The following FSTL4 variants were observed in gnomAD, a reference collection of about 807,000 sequenced individuals.
FSTL4 encodes follistatin-related protein 4.
In FSTL4, 28 loss-of-function variants were observed where a neutral mutation model predicts 78.2. That is an observed-to-expected ratio of 0.36 (90% CI 0.27 to 0.49). The LOEUF (loss-of-function observed/expected upper bound fraction) is 0.49. FSTL4 is among the 20% of genes least tolerant of loss of function. FSTL4 has a pLI of 0.98. For missense variants in FSTL4, 922 were observed against 1,084.9 expected, an observed-to-expected ratio of 0.85 and a Z score of 2.11; for synonymous variants, 422 against 440.5, an observed-to-expected ratio of 0.96 and a Z score of 0.53.
chr5:133,359,625 G>T (rs1214456897), intron 4 of FSTL4, among the ~76,000 whole-genome samples: 2 of 152,188 alleles, frequency 1.3e-5, no homozygotes, highest in East Asian at 3.8e-4. Context: ...ACATGGGTGT[G>T]ATGCCTTTGT....
At chr5:133,226,738 G>A (rs747057054) in intron 8 of FSTL4, among the ~76,000 whole-genome samples, 1 of 152,218 alleles carries the variant, frequency 6.6e-6, no homozygotes, top group Non-Finnish European at 1.5e-5. Context: ...GAAGTGGACA[G>A]CTACATTTTC....
chr5:133,770,919 A>G, the FSTL4 span, among the ~76,000 whole-genome samples: 1 of 151,522 alleles, frequency 6.6e-6, no homozygotes, highest in African/African-American at 2.4e-5. Flanking sequence ...AGAGGTATGC[A>G]TCTAGTTTCC....
intron 3 of FSTL4, among the ~76,000 whole-genome samples, chr5:133,566,165 G>C (rs1363113392): frequency 6.6e-6 from 1 of 152,176 alleles, no homozygotes; most frequent in East Asian, 1.9e-4. Context: ...TATGACCCTA[G>C]GGATCCAGCA....
chr5:133,444,083 G>A (rs575706501), intron 3 of FSTL4, among the ~76,000 whole-genome samples: 3 of 152,292 alleles, frequency 2.0e-5, no homozygotes, highest in South Asian at 2.1e-4. Flanking sequence ...TAGGAGCCAC[G>A]TCTGGATTGG....
At chr5:133,667,436 G>T in the FSTL4 span, among the ~76,000 whole-genome samples, 1 of 152,198 alleles carries the variant, frequency 6.6e-6, no homozygotes, top group Non-Finnish European at 1.5e-5. Flanking sequence ...TCATTTCAAT[G>T]CTGTAAATCC....
chr5:133,538,688 C>A (rs554888714), intron 3 of FSTL4, among the ~76,000 whole-genome samples: 1 of 152,100 alleles, frequency 6.6e-6, no homozygotes, highest in East Asian at 1.9e-4. Context: ...CTATTTTATT[C>A]AGTGTGTTAT....
intron 12 of FSTL4, among the ~76,000 whole-genome samples, chr5:133,219,468 CT>C (rs1407109776): frequency 3.5e-4 from 53 of 152,352 alleles, no homozygotes; most frequent in Non-Finnish European, 5.7e-4. Context: ...ACTCTGAAGG[CT>C]ATGCCTTTAT....
chr5:133,223,841 C>T (rs1479501134), intron 11 of FSTL4, among the ~76,000 whole-genome samples: 1 of 151,968 alleles, frequency 6.6e-6, no homozygotes, highest in African/African-American at 2.4e-5. Flanking sequence ...CTTGTTTTGT[C>T]TTTTTAAAAC....
intron 3 of FSTL4, among the ~76,000 whole-genome samples, chr5:133,443,683 T>C (rs1757206555): frequency 6.6e-6 from 1 of 152,196 alleles, no homozygotes; most frequent in Non-Finnish European, 1.5e-5. Flanking sequence ...CCCGATATTC[T>C]GAGGAGGGCA....
At chr5:133,241,324 A>G (rs1751866842) in intron 7 of FSTL4, among the ~76,000 whole-genome samples, 1 of 152,214 alleles carries the variant, frequency 6.6e-6, no homozygotes, top group African/African-American at 2.4e-5. Flanking sequence ...TTATGTCAGA[A>G]GTGAGGGTGT....
chr5:133,551,214 C>T (rs1450365356), intron 3 of FSTL4, among the ~76,000 whole-genome samples: 1 of 152,120 alleles, frequency 6.6e-6, no homozygotes, highest in South Asian at 2.1e-4. Context: ...CTGGGTCTTG[C>T]CTCTGTTTAC....
chr5:133,401,355 C>G (rs1179479623), intron 3 of FSTL4, among the ~76,000 whole-genome samples: 1 of 152,220 alleles, frequency 6.6e-6, no homozygotes, highest in South Asian at 2.1e-4. Flanking sequence ...TCCGTGCTCA[C>G]AAAGAAGCAC....
intron 3 of FSTL4, among the ~76,000 whole-genome samples, chr5:133,514,095 C>T (rs1336246395): frequency 6.6e-6 from 1 of 151,616 alleles, no homozygotes; most frequent in Admixed American, 6.6e-5. Flanking sequence ...AGGAGAATGG[C>T]GTGAATCCGG....
chr5:133,494,049 C>T (rs112734353), intron 3 of FSTL4, among the ~76,000 whole-genome samples: 3,211 of 152,244 alleles, frequency 0.021, 44 homozygotes, highest in Non-Finnish European at 0.033. Flanking sequence ...TTACTATGTG[C>T]CAGAAACTGT....
At chr5:133,621,486 T>C in the FSTL4 span, among the ~76,000 whole-genome samples, 45 of 152,232 alleles carry the variant, frequency 3.0e-4, no homozygotes, top group African/African-American at 1.0e-3. Context: ...TTATTCTAAG[T>C]GAAGTAACTC....
At chr5:133,675,909 G>T in the FSTL4 span, among the ~76,000 whole-genome samples, 34,625 of 152,002 alleles carry the variant, frequency 0.23, 4,309 homozygotes, top group Admixed American at 0.32. Flanking sequence ...CTGGCAACAA[G>T]GCAGAGTCAG....
chr5:133,569,439 T>G (rs1320733444), intron 2 of FSTL4, among the ~76,000 whole-genome samples: 1 of 152,244 alleles, frequency 6.6e-6, no homozygotes, highest in African/African-American at 2.4e-5. Context: ...TACATTTTAC[T>G]GAGTTTTAAA....
chr5:133,757,620 G>A, the FSTL4 span, among the ~76,000 whole-genome samples: 7 of 152,116 alleles, frequency 4.6e-5, no homozygotes, highest in South Asian at 2.1e-4. Flanking sequence ...TGGAGCACTC[G>A]GCATGGTGGG....
At chr5:133,550,397 A>G (rs919626678) in intron 3 of FSTL4, among the ~76,000 whole-genome samples, 4 of 152,172 alleles carry the variant, frequency 2.6e-5, no homozygotes, top group Non-Finnish European at 2.9e-5. Context: ...TTCTAACCCA[A>G]TGCATTTCAG....
Sources: allele counts gnomAD v4.1 joint callset (sites outside exome capture counted in the v4.1 genomes callset), GRCh38; gene constraint gnomAD v4.1.1; transcripts MANE v1.5; gene names NCBI Gene and HGNC (gene_info 2026-07-23, HGNC 2026-07-21).